The following TENM4 variants were observed in gnomAD, a reference collection of about 807,000 sequenced individuals.
TENM4 encodes the protein teneurin transmembrane protein 4.
TENM4 carries 82 observed loss-of-function variants against 243.3 expected under a neutral mutation model. That is an observed-to-expected ratio of 0.34 (90% CI 0.28 to 0.40). The LOEUF is 0.40. TENM4 is among the 10% of genes least tolerant of loss of function. The probability of loss-of-function intolerance (pLI) is 1.00; values close to 1 mark genes in which losing one functional copy is unlikely to be tolerated. For synonymous variants in TENM4, 1,412 were observed against 1,456.3 expected, an observed-to-expected ratio of 0.97 and a Z score of 0.69; for missense variants, 3,138 against 3,673.3, an observed-to-expected ratio of 0.85 and a Z score of 3.77.
At chr11:78,901,199 T>C (rs930031969) in intron 7 of TENM4, among the ~76,000 whole-genome samples, 2 of 152,178 alleles carry the variant, frequency 1.3e-5, no homozygotes, top group African/African-American at 4.8e-5. Context: ...CAAATAATGT[T>C]ATATATGTAT....
intron 32 of TENM4, among the ~76,000 whole-genome samples, chr11:78,665,747 T>G (rs1263958788): frequency 6.6e-6 from 1 of 152,368 alleles, no homozygotes. Flanking sequence ...ATGGGGTCAG[T>G]GATCCTACCT....
intron 4 of TENM4, among the ~76,000 whole-genome samples, chr11:79,090,727 A>C (rs888246879): frequency 1.1e-4 from 17 of 152,058 alleles, no homozygotes; most frequent in Non-Finnish European, 1.8e-4. Context: ...GGTTTTGGGA[A>C]CTCAAGCCCT....
intron 2 of TENM4, among the ~76,000 whole-genome samples, chr11:79,261,052 G>T (rs1855787324): frequency 6.6e-6 from 1 of 152,200 alleles, no homozygotes; most frequent in Admixed American, 6.5e-5. Context: ...GGCCATAATT[G>T]AGTGACAATT....
chr11:79,200,940 C>G (rs1054273176), intron 3 of TENM4, among the ~76,000 whole-genome samples: 11 of 152,312 alleles, frequency 7.2e-5, no homozygotes, highest in Middle Eastern at 3.4e-3. Flanking sequence ...TCAGTCCCAG[C>G]AGAAAGTATG....
chr11:78,922,158 T>G (rs974892917), intron 6 of TENM4, among the ~76,000 whole-genome samples: 1 of 152,204 alleles, frequency 6.6e-6, no homozygotes, highest in Non-Finnish European at 1.5e-5. Flanking sequence ...GCAGAACATT[T>G]CTATTCAAGG....
At chr11:78,725,917 A>G (rs1454681806) in intron 23 of TENM4, among the ~76,000 whole-genome samples, 162 bp downstream of exon 23, 4 of 152,260 alleles carry the variant, frequency 2.6e-5, no homozygotes, top group African/African-American at 9.6e-5. Context: ...GCACAGTGAC[A>G]GGCTCAGAGG....
chr11:78,894,340 T>C (rs996838790), intron 7 of TENM4, among the ~76,000 whole-genome samples: 2 of 152,072 alleles, frequency 1.3e-5, no homozygotes, highest in Non-Finnish European at 2.9e-5. Flanking sequence ...CAGAGTCAAA[T>C]TTATACCTTA....
intron 11 of TENM4, among the ~76,000 whole-genome samples, chr11:78,855,602 A>T (rs1858662690): frequency 6.6e-6 from 1 of 152,210 alleles, no homozygotes. Context: ...CTGAGAAGCT[A>T]AGTGATGGAG....
At chr11:79,297,663 T>C (rs1202815855) in intron 1 of TENM4, 120 bp from the exon 2 acceptor site, 1 of 152,460 alleles carries the variant, frequency 6.6e-6, no homozygotes, top group Non-Finnish European at 1.5e-5. Context: ...CTGGGAAAAC[T>C]GTGAGTGGTC....
intron 1 of TENM4, among the ~76,000 whole-genome samples, chr11:79,306,729 G>T (rs1330832958): frequency 6.6e-6 from 1 of 152,074 alleles, no homozygotes; most frequent in Non-Finnish European, 1.5e-5. Flanking sequence ...TTATCACCAT[G>T]CCCATTTACA....
At chr11:79,314,756 C>T (rs985104246) in intron 1 of TENM4, among the ~76,000 whole-genome samples, 1 of 152,184 alleles carries the variant, frequency 6.6e-6, no homozygotes, top group Non-Finnish European at 1.5e-5. Context: ...AATCCATATA[C>T]TCATGGAGCT....
chr11:79,112,131 A>G (rs1861521560), intron 4 of TENM4, among the ~76,000 whole-genome samples: 2 of 152,118 alleles, frequency 1.3e-5, no homozygotes, highest in African/African-American at 4.8e-5. Flanking sequence ...ACGTTCCGCC[A>G]TCAGCAGTGC....
chr11:78,722,586 G>C (rs1364151182), intron 24 of TENM4, 82 bp downstream of exon 24: 6 of 1,537,204 alleles, frequency 3.9e-6, no homozygotes, highest in Non-Finnish European at 4.4e-6. Flanking sequence ...ACTTCCCTGG[G>C]CTCAGCAGGT....
At chr11:79,166,384 T>A (rs1010874456) in intron 3 of TENM4, among the ~76,000 whole-genome samples, 2 of 152,196 alleles carry the variant, frequency 1.3e-5, no homozygotes, top group Non-Finnish European at 2.9e-5. Context: ...CATTTCCCAA[T>A]GCCCATTTGG....
chr11:78,743,057 C>G (rs1855968230), intron 19 of TENM4, among the ~76,000 whole-genome samples: 1 of 152,202 alleles, frequency 6.6e-6, no homozygotes, highest in South Asian at 2.1e-4. Flanking sequence ...GAATTTATAA[C>G]TGTTTTAATC....
intron 12 of TENM4, among the ~76,000 whole-genome samples, chr11:78,836,463 A>G (rs1323601350): frequency 1.3e-5 from 2 of 152,190 alleles, no homozygotes; most frequent in African/African-American, 4.8e-5. Flanking sequence ...CATCCTATTC[A>G]GTAGGTTGTG....
intron 4 of TENM4, among the ~76,000 whole-genome samples, chr11:79,084,313 T>G (rs1024755738): frequency 2.0e-5 from 3 of 152,214 alleles, no homozygotes; most frequent in Non-Finnish European, 4.4e-5. Flanking sequence ...GGTTGGCAGT[T>G]TCTTAGAACA....
At chr11:78,879,890 G>T (rs915954259) in intron 9 of TENM4, among the ~76,000 whole-genome samples, 1 of 151,904 alleles carries the variant, frequency 6.6e-6, no homozygotes, top group Admixed American at 6.6e-5. Context: ...TGGCTGCCCC[G>T]TCTGGGAAGT....
chr11:78,793,665 T>A (rs1245657069), intron 15 of TENM4, among the ~76,000 whole-genome samples: 2 of 152,248 alleles, frequency 1.3e-5, no homozygotes, highest in South Asian at 4.1e-4. Context: ...GTACCTTCAA[T>A]GTTCCAGAAC....
Sources: allele counts gnomAD v4.1 joint callset (sites outside exome capture counted in the v4.1 genomes callset), GRCh38; gene constraint gnomAD v4.1.1; transcripts MANE v1.5; gene names NCBI Gene and HGNC (gene_info 2026-07-23, HGNC 2026-07-21).